The following IQSEC1 variants were observed in gnomAD, a reference collection of about 807,000 sequenced individuals.
IQSEC1 encodes IQ motif and Sec7 domain ArfGEF 1.
A neutral mutation model predicts 91.0 loss-of-function variants in IQSEC1; 31 were observed. That is an observed-to-expected ratio of 0.34 (90% CI 0.26 to 0.46). The LOEUF is 0.46. IQSEC1 is among the 20% of genes least tolerant of loss of function. The pLI, the probability that IQSEC1 is intolerant of heterozygous loss-of-function variation, is 1.00. For synonymous variants in IQSEC1, 699 were observed against 662.6 expected (o/e 1.05, Z -0.84); for missense variants, 1,388 against 1,575.6 (o/e 0.88, Z 2.02).
chr3:12,903,177 C>T (rs930773270), intron 12 of IQSEC1, among the ~76,000 whole-genome samples: 3 of 152,246 alleles, frequency 2.0e-5, no homozygotes, highest in Admixed American at 1.3e-4. Flanking sequence ...TGTGTGTTCA[C>T]CCCTGACTCG....
At chr3:13,181,829 T>C (rs1693849397) in intron 1 of IQSEC1, among the ~76,000 whole-genome samples, 1 of 152,268 alleles carries the variant, frequency 6.6e-6, no homozygotes, top group South Asian at 2.1e-4. Context: ...TAATGGAATA[T>C]TTTAAAATTA....
chr3:12,900,473 ATATT>A lies in IQSEC1; in HGVS notation c.*506_*509del, dbSNP rs1207201637. On this transcript the variant is annotated 3_prime_UTR_variant, in exon 14 of 14. Transcript: ENST00000613206. ...ACAGTATATATATATATATATTTAT[ATATT>A]TATATATTTATATAAAGTTTACTTA... is the stretch of plus-strand genomic sequence containing the variant. The A allele has an allele frequency of 2.9e-6, 2 of 697,248 alleles. No homozygotes were observed. The highest frequency in any genetic ancestry group is 6.5e-5 in the Admixed American group (1 of 15,444). 43.2% of individuals were successfully genotyped at this position (697,248 alleles called of 1,614,324 possible). A position where few individuals can be genotyped will look rare whatever the true frequency, so the allele number is the denominator to read the frequency against.
chr3:12,925,598 A>G (rs1400178566), intron 3 of IQSEC1, among the ~76,000 whole-genome samples: 2 of 152,256 alleles, frequency 1.3e-5, no homozygotes, highest in Non-Finnish European at 1.5e-5. Flanking sequence ...TGGAGGTCAC[A>G]GCACCAGTGG....
chr3:13,142,911 G>A (rs1472486172), intron 2 of IQSEC1, among the ~76,000 whole-genome samples: 1 of 152,216 alleles, frequency 6.6e-6, no homozygotes, highest in Non-Finnish European at 1.5e-5. Context: ...CTCAGGAGAT[G>A]TGCACCAGCT....
chr3:13,150,557 C>T (rs1163387325), intron 2 of IQSEC1, among the ~76,000 whole-genome samples: 3 of 152,134 alleles, frequency 2.0e-5, no homozygotes, highest in Non-Finnish European at 4.4e-5. Context: ...TCCAAACAAG[C>T]GCCTGCATGG....
Position 12,908,249 on chromosome 3 carries a change from C to A in IQSEC1, c.2755+100G>T. ...AGGGGAAATGCCGCACTGGCTTCGC[C>A]GCAGGCCCTGCCCCGCGTGATGCAT... is the stretch of plus-strand genomic sequence containing the variant. On this transcript the variant is annotated intron_variant, in intron 12 of 13. Transcript: ENST00000613206. This position sits in a 1 kb window ranked among gnomAD's most constrained non-coding sequence, Gnocchi z 4.9. The A allele has an allele frequency of 7.7e-7, 1 of 1,300,336 alleles. No homozygotes were observed. Among genetic ancestry groups the A allele is most frequent in the Non-Finnish European group, 1.1e-6 (1 of 943,256 alleles). 80.5% of individuals were successfully genotyped at this position (1,300,336 alleles called of 1,614,324 possible). A position where few individuals can be genotyped will look rare whatever the true frequency, so the allele number is the denominator to read the frequency against.
At chr3:12,937,215 G>C (rs1234118624) in intron 2 of IQSEC1, among the ~76,000 whole-genome samples, 1 of 152,194 alleles carries the variant, frequency 6.6e-6, no homozygotes, top group African/African-American at 2.4e-5. Context: ...TTACAGGCGT[G>C]AGCCACCATG....
chr3:12,918,124 C>A (rs185409722), intron 6 of IQSEC1, among the ~76,000 whole-genome samples: 132 of 152,348 alleles, frequency 8.7e-4, no homozygotes, highest in African/African-American at 3.1e-3. Context: ...CTGGGCAGGT[C>A]CCTTCCTTCT....
rs57239903 is a variant in IQSEC1 at position 13,165,537 on chromosome 3, C to CGTGTGTGT, written c.273-1412_273-1405dup. Among the ~76,000 whole-genome samples the CGTGTGTGT allele has an allele frequency of 2.4e-3, 157 of 66,592 alleles. 1 individual carries two copies. Among genetic ancestry groups the CGTGTGTGT allele is most frequent in the African/African-American group, 4.0e-3 (70 of 17,572 alleles). 43.7% of individuals were successfully genotyped at this position (66,592 alleles called of 152,430 possible). On this transcript the variant is annotated intron_variant, in intron 1 of 15. Transcript: ENST00000648114. Reference sequence around the variant, plus strand: ...GGGGGGGTGGGGGGTGGGGGGGTGGCGTGTGTGTGTGTGTGTGTGTGTGTG... The same window carrying CGTGTGTGT: ...GGGGGGGTGGGGGGTGGGGGGGTGGCGTGTGTGTGTGTGTGTGTGTGTGTGTGTGTGTG...
intron 1 of IQSEC1, among the ~76,000 whole-genome samples, chr3:13,046,283 G>A (rs534361423): frequency 4.1e-4 from 62 of 152,358 alleles, no homozygotes; most frequent in African/African-American, 1.3e-3. Flanking sequence ...TGGAGTGTCC[G>A]TGCAGAGGAT....
chr3:13,143,908 G>A (rs1706842067), intron 2 of IQSEC1, among the ~76,000 whole-genome samples: 1 of 152,136 alleles, frequency 6.6e-6, no homozygotes, highest in South Asian at 2.1e-4. Context: ...TCCTGCTTCG[G>A]TTGTCTGCAC....
chr3:13,210,222 G>T (rs1267393021), intron 1 of IQSEC1, among the ~76,000 whole-genome samples: 6 of 152,106 alleles, frequency 3.9e-5, no homozygotes, highest in African/African-American at 1.2e-4. Context: ...TGTGTGGCCT[G>T]GCTGTGGTAT....
chr3:13,043,645 C>T (rs1264106289), intron 1 of IQSEC1, among the ~76,000 whole-genome samples: 6 of 152,178 alleles, frequency 3.9e-5, no homozygotes, highest in African/African-American at 1.4e-4. Flanking sequence ...TACTTGTTAA[C>T]TGTCTTTCTC....
intron 1 of IQSEC1, among the ~76,000 whole-genome samples, chr3:13,222,414 G>A (rs184461765): frequency 2.0e-5 from 3 of 152,300 alleles, no homozygotes; most frequent in African/African-American, 4.8e-5. Flanking sequence ...TGTGAGTAAT[G>A]CTGTTGTGAA....
intron 6 of IQSEC1, 46 bp downstream of exon 6, chr3:12,920,384 G>A (rs760184068): frequency 1.3e-6 from 2 of 1,599,948 alleles, no homozygotes; most frequent in Admixed American, 1.7e-5. Context: ...GCTGGGGCAG[G>A]TGCTGGAGCA....
chr3:13,060,129 G>T (rs1278005229), intron 1 of IQSEC1, among the ~76,000 whole-genome samples: 2 of 152,192 alleles, frequency 1.3e-5, no homozygotes, highest in Non-Finnish European at 1.5e-5. Context: ...GGCAGGGGTT[G>T]TTGTCTCTCC....
At chr3:12,936,725 A>C in intron 2 of IQSEC1, 28 bp from the exon 3 acceptor site, 2 of 1,536,476 alleles carry the variant, frequency 1.3e-6, no homozygotes, top group Non-Finnish European at 1.8e-6. Flanking sequence ...GAATGAGAAC[A>C]GCACTGCATG....
chr3:13,258,467 A>G (rs887256850), intron 1 of IQSEC1, among the ~76,000 whole-genome samples: 3 of 152,188 alleles, frequency 2.0e-5, no homozygotes, highest in Non-Finnish European at 4.4e-5. Flanking sequence ...GGATCACTGG[A>G]GCCTAGGAGT....
In IQSEC1 at chr3:12,920,471, T is replaced by C. The variant is rs201571499; in HGVS notation, c.1979A>G (p.Glu660Gly). ...GAAGTCCTCTAGCTTCATTTTCCGC[T>C]CGGGCTTGACATTGGGGCTGTACAT... is the stretch of plus-strand genomic sequence containing the variant. ...TDMYSPNVKP[E>G]RKMKLEDFIK... Residue 660 changes from glutamate (E) to glycine (G), a missense_variant, in exon 6 of 14, where the codon GAG becomes GGG. Physicochemically the swap from Glu to Gly is moderately conservative, Grantham distance 98. Around this residue, in one of 2 missense-constraint regions of IQSEC1, gnomAD observed 1,059 missense variants for 1,317.8 expected, o/e 0.80. Transcript: ENST00000613206. 4 of 1,614,194 alleles carry C rather than the reference T, an allele frequency of 2.5e-6. No homozygotes were observed. The Admixed American group carries it at 6.7e-5, about 27-fold the overall frequency.
Sources: allele counts gnomAD v4.1 joint callset (sites outside exome capture counted in the v4.1 genomes callset), GRCh38; gene constraint gnomAD v4.1.1; regional missense constraint gnomAD v4.1.1; non-coding constraint Gnocchi (gnomAD v3.1); transcripts MANE v1.5; gene names NCBI Gene and HGNC (gene_info 2026-07-23, HGNC 2026-07-21).